KLF13: variants seen among roughly 807,000 people sequenced by gnomAD.
KLF13 encodes KLF transcription factor 13.
A neutral mutation model predicts 16.7 loss-of-function variants in KLF13; 8 were observed. The observed-to-expected ratio is 0.48, with a 90% confidence interval of 0.28 to 0.87. The LOEUF is 0.87. Ranked by LOEUF, KLF13 falls within the 40% of genes least tolerant of loss-of-function variation. The pLI, the probability that KLF13 is intolerant of heterozygous loss-of-function variation, is 0.10. For missense variants in KLF13, 447 were observed against 452.2 expected (o/e 0.99, Z 0.10); for synonymous variants, 245 against 208.4 (o/e 1.18, Z -1.51).
At chr15:31,405,831 A>G (rs897815130), downstream of KLF13, among the ~76,000 whole-genome samples, 3 of 152,200 alleles carry the variant, frequency 2.0e-5, no homozygotes, top group Non-Finnish European at 2.9e-5. Flanking sequence ...ATGATAGGCA[A>G]ACAAGGAAAA....
intron 1 of KLF13, among the ~76,000 whole-genome samples, chr15:31,416,924 T>C (rs1276405883): frequency 6.6e-6 from 1 of 152,216 alleles, no homozygotes; most frequent in East Asian, 1.9e-4. Context: ...ATGTAAAGCA[T>C]TGAGAGGTGG....
chr15:31,357,584 C>G (rs1402412378), intron 1 of KLF13, among the ~76,000 whole-genome samples: 1 of 152,210 alleles, frequency 6.6e-6, no homozygotes, highest in Non-Finnish European at 1.5e-5. Flanking sequence ...TGGGAGGCAG[C>G]ACTCTGTGAG....
At chr15:31,361,646 C>T (rs973974236) in intron 1 of KLF13, among the ~76,000 whole-genome samples, 3 of 152,072 alleles carry the variant, frequency 2.0e-5, no homozygotes, top group African/African-American at 7.2e-5. Context: ...GCCAAAGGCT[C>T]TGCAGACAGG....
intron 1 of KLF13, among the ~76,000 whole-genome samples, chr15:31,433,451 G>A (rs1324007330): frequency 6.6e-6 from 1 of 152,064 alleles, no homozygotes; most frequent in East Asian, 1.9e-4. Context: ...GGTCTCCCTG[G>A]GCTGTCAGCT....
chr15:31,370,972 C>T (rs1235627711), intron 1 of KLF13, among the ~76,000 whole-genome samples: 1 of 151,928 alleles, frequency 6.6e-6, no homozygotes, highest in African/African-American at 2.4e-5. Flanking sequence ...GAGTGGGTTT[C>T]CTCTGTTGAA....
intron 1 of KLF13, chr15:31,420,066 G>C (rs1214976389): frequency 1.2e-5 from 4 of 344,260 alleles, no homozygotes; most frequent in Non-Finnish European, 2.3e-5. Context: ...AAAACCTTTT[G>C]TCAACCAAGA....
chr15:31,410,019 A>T (rs996088666), intron 1 of KLF13, among the ~76,000 whole-genome samples: 3 of 152,192 alleles, frequency 2.0e-5, no homozygotes, highest in African/African-American at 7.2e-5. Context: ...GCTCTAAAAG[A>T]CAACGGTCTC....
At chr15:31,432,480 A>T (rs1214501884) in intron 1 of KLF13, among the ~76,000 whole-genome samples, 5 of 122,788 alleles carry the variant, frequency 4.1e-5, no homozygotes, top group African/African-American at 6.3e-5. Context: ...ATAAGGTCTT[A>T]CTCCGTTGCC....
In KLF13 at chr15:31,383,643, A is replaced by G. The variant is rs180829065; in HGVS notation, n.224-51727A>G. ...GGGCCGGGCGCGGTGGCTCACGCCTATAATCCCAGCACTTTGGGAGGCCAA... is the reference window on the plus strand; with the variant it reads ...GGGCCGGGCGCGGTGGCTCACGCCTGTAATCCCAGCACTTTGGGAGGCCAA... On this transcript the variant is annotated intron_variant and non_coding_transcript_variant, in intron 1 of 1. Coordinates refer to the KLF13 transcript ENST00000558921. 5.2e-3 allele frequency among the ~76,000 whole-genome samples: 799 copies of G among 152,322 alleles called. 4 individuals are homozygous for G. Among genetic ancestry groups the G allele is most frequent in the African/African-American group, 0.011 (461 of 41,586 alleles).
chr15:31,409,503 GGAAA>G (rs1467219103), downstream of KLF13, among the ~76,000 whole-genome samples: 2 of 151,098 alleles, frequency 1.3e-5, no homozygotes, highest in Admixed American at 6.6e-5. Flanking sequence ...ACACCAAGCA[GGAAA>G]GAAAGAGAGA....
chr15:31,359,224 C>G (rs2039345315), intron 1 of KLF13, among the ~76,000 whole-genome samples: 2 of 152,302 alleles, frequency 1.3e-5, no homozygotes, highest in South Asian at 4.1e-4. Context: ...GAGAGAAGCT[C>G]CAGAGCCCTT....
intron 1 of KLF13, among the ~76,000 whole-genome samples, chr15:31,428,227 T>A (rs2040422509): frequency 6.6e-6 from 1 of 152,186 alleles, no homozygotes; most frequent in Non-Finnish European, 1.5e-5. Flanking sequence ...AAAGGATCAT[T>A]GTTGTTCAGT....
rs769375896 is a variant in KLF13 at position 31,372,023 on chromosome 15, C to G, written c.591C>G (p.Phe197Leu). The G allele has an allele frequency of 6.2e-7, 1 of 1,605,594 alleles. No homozygotes were observed. Among genetic ancestry groups the G allele is most frequent in the Non-Finnish European group, 8.5e-7 (1 of 1,176,654 alleles). ...CTGTGCCCACAGGTGAGAGGCCCTTCGCCTGCAGCTGGCAGGACTGCAACA... is the reference window on the plus strand; with the variant it reads ...CTGTGCCCACAGGTGAGAGGCCCTTGGCCTGCAGCTGGCAGGACTGCAACA... Reference protein sequence around the residue: ...HLRTHTGERPFACSWQDCNKK... With the variant: ...HLRTHTGERPLACSWQDCNKK... The change falls in exon 2 of 2, where the codon TTC becomes TTG. Residue 197 changes from phenylalanine (F) to leucine (L), a missense_variant. By Grantham distance (22) the Phe-to-Leu change is conservative (BLOSUM62 0). Around this residue, in one of 2 missense-constraint regions of KLF13, gnomAD observed 88 missense variants for 169.5 expected, o/e 0.52. Coordinates refer to ENST00000307145, the MANE Select transcript of KLF13 (RefSeq NM_015995.4).
chr15:31,422,685 T>C (rs2040342937), intron 1 of KLF13, among the ~76,000 whole-genome samples: 1 of 152,018 alleles, frequency 6.6e-6, no homozygotes, highest in African/African-American at 2.4e-5. Flanking sequence ...TCAGACAAAA[T>C]AGACTCTAAG....
chr15:31,335,647 A>C (rs1158874288), intron 1 of KLF13, among the ~76,000 whole-genome samples: 1 of 152,202 alleles, frequency 6.6e-6, no homozygotes. Context: ...TTCATCACAC[A>C]AAAACACTTG....
intron 1 of KLF13, among the ~76,000 whole-genome samples, chr15:31,415,802 G>GATTTCTATTCT (rs2040247763): frequency 6.6e-6 from 1 of 151,098 alleles, no homozygotes; most frequent in Non-Finnish European, 1.5e-5. Flanking sequence ...ATGAAATAGA[G>GATTTCTATTCT]AATAAAAAAC....
At chr15:31,400,915 T>G (rs556251593) in intron 2 of KLF13, among the ~76,000 whole-genome samples, 1 of 152,162 alleles carries the variant, frequency 6.6e-6, no homozygotes, top group South Asian at 2.1e-4. Context: ...TTTGAGCACC[T>G]GGAAGCGTCG....
At chr15:31,428,996 A>G (rs2040435468) in intron 1 of KLF13, among the ~76,000 whole-genome samples, 1 of 152,104 alleles carries the variant, frequency 6.6e-6, no homozygotes, top group Admixed American at 6.5e-5. Context: ...GATCTACATA[A>G]TTTGCAGGAC....
At chr15:31,370,044 C>CTTTTTTTTTTT (rs912005994) in intron 1 of KLF13, among the ~76,000 whole-genome samples, 2 of 99,294 alleles carry the variant, frequency 2.0e-5, no homozygotes, top group Non-Finnish European at 4.3e-5. Context: ...TCTCCTTTTT[C>CTTTTTTTTTTT]TTTTTTTTTT....
Sources: allele counts gnomAD v4.1 joint callset (sites outside exome capture counted in the v4.1 genomes callset), GRCh38; gene constraint gnomAD v4.1.1; regional missense constraint gnomAD v4.1.1; transcripts MANE v1.5; gene names NCBI Gene and HGNC (gene_info 2026-07-23, HGNC 2026-07-21).